The following TTC6 variants were observed in gnomAD, a reference collection of about 807,000 sequenced individuals.
TTC6 encodes tetratricopeptide repeat protein 6.
A neutral mutation model predicts 210.4 loss-of-function variants in TTC6; 172 were observed. The observed-to-expected ratio is 0.82, with a 90% CI of 0.72 to 0.93. The LOEUF is 0.93. TTC6 is among the 40% of genes least tolerant of loss of function. The probability of loss-of-function intolerance (pLI) is 0.00; values close to 1 mark genes in which losing one functional copy is unlikely to be tolerated. For missense variants in TTC6, 2,414 were observed against 2,318.1 expected (o/e 1.04, Z -0.85); for synonymous variants, 804 against 819.6 (o/e 0.98, Z 0.32).
rs1434560430 is a variant in TTC6 at position 37,663,949 on chromosome 14, AG to A, written c.940-16201del. On this transcript the variant is annotated intron_variant, in intron 1 of 30. Transcript: ENST00000553443. The stretch of plus-strand genomic sequence containing the variant: ...ACCTAGGACTATAGCTAATAAGGGA[AG>A]TGAAGGACCTCTTCAAGGAGAACTA... Among the ~76,000 whole-genome samples, 517 of 140,498 alleles carry A rather than the reference AG, an allele frequency of 3.7e-3. 20 individuals are homozygous for A. The highest frequency in any genetic ancestry group is 6.4e-3 in the Non-Finnish European group (382 of 59,728). The allele number at this position is 140,498 out of a possible 152,430, so 92.2% of individuals were successfully genotyped here. A position where few individuals can be genotyped will look rare whatever the true frequency, so the allele number is the denominator to read the frequency against.
Position 37,807,245 on chromosome 14 carries a change from G to A in TTC6, c.4315-75G>A, listed in dbSNP as rs1281564889. 2.3e-6 allele frequency: 3 copies of A among 1,327,334 alleles called. No individual in the cohort carries two copies. The African/African-American group carries it at 4.3e-5, about 19-fold the overall frequency. 82.2% of individuals were successfully genotyped at this position (1,327,334 alleles called of 1,614,324 possible). On this transcript the variant is annotated intron_variant, in intron 22 of 30. Coordinates refer to ENST00000553443, the Ensembl canonical transcript of TTC6. ...TTTGGGAGGCATAGATTTGTTCCAA[G>A]TAGCATATATTTTGGTAGAATTGGT...
At chr14:37,681,628 C>T (rs1418393045) in intron 2 of TTC6, among the ~76,000 whole-genome samples, 3 of 152,062 alleles carry the variant, frequency 2.0e-5, no homozygotes, top group Admixed American at 6.6e-5. Context: ...ATGCTTCCAT[C>T]CATCCCCCCT....
chr14:37,610,473 A>C (rs886122798), intron 2 of TTC6, among the ~76,000 whole-genome samples: 1 of 151,580 alleles, frequency 6.6e-6, no homozygotes, highest in Non-Finnish European at 1.5e-5. Context: ...GGGCCTGCTA[A>C]GTGTACTGAG....
At chr14:37,683,695 G>A (rs1053694383) in intron 3 of TTC6, among the ~76,000 whole-genome samples, 49 of 152,186 alleles carry the variant, frequency 3.2e-4, no homozygotes, top group African/African-American at 1.2e-3. Context: ...CAATATGTAT[G>A]TATGGGAAAG....
chr14:37,603,555 A>T (rs1198743121), intron 1 of TTC6, among the ~76,000 whole-genome samples: 1 of 152,340 alleles, frequency 6.6e-6, no homozygotes, highest in Non-Finnish European at 1.5e-5. Flanking sequence ...TATACGGTTT[A>T]TGGTAAATTT....
chr14:37,670,432 G>A (rs187206296), intron 1 of TTC6, among the ~76,000 whole-genome samples: 1 of 141,994 alleles, frequency 7.0e-6, no homozygotes, highest in African/African-American at 2.5e-5. Context: ...GTTAACACAT[G>A]TACTTTGCAT....
chr14:37,734,708 T>A (rs1480988649), intron 7 of TTC6, among the ~76,000 whole-genome samples: 33 of 151,612 alleles, frequency 2.2e-4, no homozygotes, highest in Admixed American at 2.1e-3. Context: ...GTAGGAGGAT[T>A]TTTTTTTTCC....
chr14:37,749,718 T>C (rs1407305621), exon 12 of TTC6: 10 of 1,403,222 alleles, frequency 7.1e-6, no homozygotes, highest in Non-Finnish European at 9.2e-6. Flanking sequence ...TTCTAGGTAA[T>C]ACTCTTGGAA....
intron 14 of TTC6, among the ~76,000 whole-genome samples, chr14:37,757,037 G>A (rs1039540004): frequency 1.3e-5 from 2 of 151,996 alleles, no homozygotes; most frequent in African/African-American, 4.8e-5. Flanking sequence ...ACTTGTTATT[G>A]GTCTATTCAG....
chr14:37,802,928 T>C (rs1486078244), intron 20 of TTC6, among the ~76,000 whole-genome samples: 4 of 152,088 alleles, frequency 2.6e-5, no homozygotes. Context: ...AGATGGGGTT[T>C]CACCATGTTG....
chr14:37,676,113 G>A (rs1007663971), intron 1 of TTC6, among the ~76,000 whole-genome samples: 5 of 151,900 alleles, frequency 3.3e-5, no homozygotes, highest in Non-Finnish European at 4.4e-5. Flanking sequence ...TATTAATGAC[G>A]GTGATTCTGA....
exon 1 of TTC6, chr14:37,622,182 T>C (rs1205925646): frequency 1.3e-6 from 2 of 1,535,502 alleles, no homozygotes; most frequent in East Asian, 2.5e-5. Context: ...CAAGCAGAAG[T>C]TGGCCTCCAA....
chr14:37,608,948 T>C (rs992461133), intron 2 of TTC6, among the ~76,000 whole-genome samples: 3 of 152,192 alleles, frequency 2.0e-5, no homozygotes, highest in African/African-American at 7.2e-5. Flanking sequence ...CAATGACTAC[T>C]TGAATGATTT....
chr14:37,739,197 G>T, intron 10 of TTC6, 42 bp downstream of exon 12: 1 of 1,444,710 alleles, frequency 6.9e-7, no homozygotes, highest in Non-Finnish European at 9.0e-7. Context: ...GAAATATATT[G>T]TGGTTTTGAC....
intron 25 of TTC6, among the ~76,000 whole-genome samples, chr14:37,816,135 T>A (rs1227370684): frequency 1.3e-5 from 2 of 151,988 alleles, no homozygotes; most frequent in African/African-American, 2.4e-5. Flanking sequence ...ATTAAAAAAA[T>A]TTTCTTCCAA....
intron 1 of TTC6, among the ~76,000 whole-genome samples, chr14:37,677,714 T>A (rs72645007): frequency 0.066 from 10,101 of 152,126 alleles, 734 homozygotes; most frequent in Admixed American, 0.23. Flanking sequence ...ATTTGTTCAT[T>A]TTATTTCAGT....
intron 1 of TTC6, among the ~76,000 whole-genome samples, chr14:37,666,791 A>T (rs2095749052): frequency 6.6e-6 from 1 of 150,378 alleles, no homozygotes; most frequent in South Asian, 2.1e-4. Context: ...ACAGCAATTC[A>T]GGGCTCTCAG....
chr14:37,626,577 C>T (rs1279133933), intron 1 of TTC6, among the ~76,000 whole-genome samples: 10 of 151,968 alleles, frequency 6.6e-5, no homozygotes, highest in African/African-American at 2.4e-4. Flanking sequence ...AAACAAATAC[C>T]AGAAGACCCC....
chr14:37,627,142 G>C (rs1359133365), intron 1 of TTC6, among the ~76,000 whole-genome samples: 2 of 152,010 alleles, frequency 1.3e-5, no homozygotes, highest in Non-Finnish European at 2.9e-5. Context: ...TGAAGTGCCT[G>C]CTCCCACTTT....
Sources: allele counts gnomAD v4.1 joint callset (sites outside exome capture counted in the v4.1 genomes callset), GRCh38; gene constraint gnomAD v4.1.1; transcripts MANE v1.5; gene names NCBI Gene and HGNC (gene_info 2026-07-23, HGNC 2026-07-21).